KCMF1: variants seen among roughly 807,000 people sequenced by gnomAD.
The protein encoded by KCMF1 is potassium channel modulatory factor 1.
In KCMF1, 3 loss-of-function variants were observed where a neutral mutation model predicts 41.1. That is an observed-to-expected ratio of 0.07 (90% CI 0.03 to 0.19). The LOEUF (loss-of-function observed/expected upper bound fraction) is 0.19. KCMF1 is among the 10% of genes least tolerant of loss of function. The probability of loss-of-function intolerance (pLI) is 1.00; values close to 1 mark genes in which losing one functional copy is unlikely to be tolerated. For missense variants in KCMF1, 286 were observed against 488.9 expected (o/e 0.58, Z 3.91); for synonymous variants, 142 against 164.5 (o/e 0.86, Z 1.04).
chr2:84,988,996 T>G (rs1673971625), intron 1 of KCMF1, among the ~76,000 whole-genome samples: 1 of 152,198 alleles, frequency 6.6e-6, no homozygotes, highest in African/African-American at 2.4e-5. Flanking sequence ...CCACCAGATA[T>G]TCTAAGTTCC....
At position 85,046,157 on chromosome 2, in the gene KCMF1, A is replaced by C. The variant is rs1675662247; in HGVS notation, c.480A>C (p.Gly160=). The part of the protein sequence containing the change: ...HVRRMFHPGR[G]LGGPRARRSN... ...GTAGAATGTTTCACCCTGGCCGGGGATTAGGAGGTCCTCGTGCTCGTAGAT... is the reference window on the plus strand; with the variant it reads ...GTAGAATGTTTCACCCTGGCCGGGGCTTAGGAGGTCCTCGTGCTCGTAGAT... Residue 160 remains glycine, a synonymous_variant, in exon 5 of 7, where the codon GGA becomes GGC. Coordinates refer to ENST00000409785, the MANE Select transcript of KCMF1 (RefSeq NM_020122.5). The C allele has an allele frequency of 6.2e-7, 1 of 1,613,296 alleles. No individual in the cohort carries two copies. Among genetic ancestry groups the C allele is most frequent in the Non-Finnish European group, 8.5e-7 (1 of 1,179,724 alleles).
intron 3 of KCMF1, among the ~76,000 whole-genome samples, chr2:85,039,168 C>A (rs1675468051): frequency 6.6e-6 from 1 of 152,110 alleles, no homozygotes; most frequent in African/African-American, 2.4e-5. Flanking sequence ...CGGATTAGTC[C>A]ATGGTAACAA....
At chr2:85,018,286 T>TTTG (rs1674835426) in intron 1 of KCMF1, among the ~76,000 whole-genome samples, 1 of 151,018 alleles carries the variant, frequency 6.6e-6, no homozygotes, top group East Asian at 1.9e-4. Context: ...TTTTTTTTTT[T>TTTG]TTTGAGACGG....
chr2:85,032,471 G>A (rs1675300303), intron 2 of KCMF1, among the ~76,000 whole-genome samples: 2 of 151,894 alleles, frequency 1.3e-5, no homozygotes, highest in South Asian at 4.1e-4. Context: ...CTGCCTCCCG[G>A]GTTCAAGTGA....
At chr2:85,003,834 G>T (rs931152373) in intron 1 of KCMF1, among the ~76,000 whole-genome samples, 3 of 152,142 alleles carry the variant, frequency 2.0e-5, no homozygotes, top group Non-Finnish European at 4.4e-5. Context: ...GAAAGAAGAT[G>T]TAGCAAGCAT....
In KCMF1 at chr2:85,011,126, C is replaced by T. The variant is rs1333210005; in HGVS notation, c.17-16763C>T. Among the ~76,000 whole-genome samples, 7 of 152,146 alleles carry T rather than the reference C, an allele frequency of 4.6e-5. No homozygotes were observed. In the East Asian group the frequency reaches 1.3e-3, roughly 29 times the overall value. ...AAAGTGCTTGGATTACAGACGTGAG[C>T]CACCGTGCCCGGCCAGTCTATTACT... On this transcript the variant is annotated intron_variant, in intron 1 of 6. Transcript: ENST00000409785.
chr2:85,041,456 C>T (rs980678025), intron 3 of KCMF1, among the ~76,000 whole-genome samples: 5 of 152,126 alleles, frequency 3.3e-5, no homozygotes, highest in African/African-American at 1.2e-4. Context: ...GGAGACTTTT[C>T]TCATCTACCA....
intron 5 of KCMF1, among the ~76,000 whole-genome samples, chr2:85,049,012 C>G (rs1675739253): frequency 6.6e-6 from 1 of 152,188 alleles, no homozygotes; most frequent in Non-Finnish European, 1.5e-5. Flanking sequence ...CCATGGAACA[C>G]ATATTGAGAG....
Position 84,971,328 on chromosome 2 carries a change from C to A in KCMF1, c.-124C>A. On this transcript the variant is annotated 5_prime_UTR_variant, in exon 1 of 7. Coordinates refer to ENST00000409785, the MANE Select transcript of KCMF1 (RefSeq NM_020122.5). ...CGGGAGCGCTCCCCTGCCCACCCCG[C>A]CCCCGCGGCCGAGCCCGGGAGTCGA... The A allele has an allele frequency of 5.2e-6, 2 of 384,728 alleles. No homozygotes were observed. The highest frequency in any genetic ancestry group is 7.2e-6 in the Non-Finnish European group (2 of 278,198). 23.8% of individuals were successfully genotyped at this position (384,728 alleles called of 1,614,324 possible).
rs112891856 is a variant in KCMF1 at position 85,018,238 on chromosome 2, T to C, written c.17-9651T>C. Among the ~76,000 whole-genome samples, 501 of 152,244 alleles carry C rather than the reference T, an allele frequency of 3.3e-3. 2 individuals carry two copies. The highest frequency in any genetic ancestry group is 0.012 in the African/African-American group (478 of 41,552). ...TTTTACAAACTAGTGATTTCTGAAC[T>C]TCTTTATGACACAGTATGACTAAGC... On this transcript the variant is annotated intron_variant, in intron 1 of 6. Transcript: ENST00000409785.
intron 2 of KCMF1, 97 bp from the exon 3 acceptor site, chr2:85,034,919 G>C (rs538995863): frequency 9.5e-7 from 1 of 1,051,268 alleles, no homozygotes; most frequent in East Asian, 2.6e-5. Flanking sequence ...ACTGCTCCTG[G>C]CCCACACTTT....
chr2:85,037,790 G>A (rs958836613), intron 3 of KCMF1, among the ~76,000 whole-genome samples: 8 of 152,072 alleles, frequency 5.3e-5, no homozygotes, highest in African/African-American at 1.9e-4. Context: ...CCTGGGCCAC[G>A]GACGGGACCA....
At chr2:84,972,808 T>G (rs897613964) in intron 1 of KCMF1, among the ~76,000 whole-genome samples, 4 of 152,218 alleles carry the variant, frequency 2.6e-5, no homozygotes, top group African/African-American at 9.7e-5. Flanking sequence ...TTCTGTATTT[T>G]AAAAGTTACA....
At chr2:85,050,123 G>A (rs1266771792) in intron 6 of KCMF1, among the ~76,000 whole-genome samples, 1 of 152,204 alleles carries the variant, frequency 6.6e-6, no homozygotes, top group Non-Finnish European at 1.5e-5. Context: ...ACTCCAGCCT[G>A]GGTGACAAGA....
At chr2:84,972,141 C>T (rs1227949565) in intron 1 of KCMF1, 1 of 152,254 alleles carries the variant, frequency 6.6e-6, no homozygotes, top group Non-Finnish European at 1.5e-5. Flanking sequence ...AGCAAACTCC[C>T]TGCTCAGTCA....
intron 1 of KCMF1, among the ~76,000 whole-genome samples, chr2:85,018,891 A>G (rs1674858172): frequency 1.5e-5 from 2 of 134,218 alleles, no homozygotes; most frequent in Admixed American, 1.7e-4. Context: ...TGCAACCTCG[A>G]CCTCCCAGCT....
At chr2:85,021,339 T>C (rs1331489999) in intron 1 of KCMF1, among the ~76,000 whole-genome samples, 1 of 152,142 alleles carries the variant, frequency 6.6e-6, no homozygotes, top group Non-Finnish European at 1.5e-5. Flanking sequence ...ATAATCTTAC[T>C]GCAGCCGGGC....
chr2:84,988,720 G>A (rs1340032186), intron 1 of KCMF1, among the ~76,000 whole-genome samples: 1 of 152,202 alleles, frequency 6.6e-6, no homozygotes, highest in Non-Finnish European at 1.5e-5. Flanking sequence ...GGTAGTAAGA[G>A]AGAAAGCCAG....
At chr2:84,979,507 G>C (rs765997008) in intron 1 of KCMF1, among the ~76,000 whole-genome samples, 3 of 133,132 alleles carry the variant, frequency 2.3e-5, no homozygotes, top group Non-Finnish European at 3.2e-5. Context: ...TGAGCAACAA[G>C]AGCGAAATTC....
Sources: allele counts gnomAD v4.1 joint callset (sites outside exome capture counted in the v4.1 genomes callset), GRCh38; gene constraint gnomAD v4.1.1; transcripts MANE v1.5; gene names NCBI Gene and HGNC (gene_info 2026-07-23, HGNC 2026-07-21).